Variants in PTPN14 observed in about 807,000 individuals in gnomAD.
PTPN14 encodes protein tyrosine phosphatase non-receptor type 14.
A neutral mutation model predicts 126.8 loss-of-function variants in PTPN14; 53 were observed. That is an observed-to-expected ratio of 0.42 (90% CI 0.34 to 0.53). PTPN14 has a LOEUF of 0.53. Among genes scored for constraint, PTPN14 ranks in the 20% least tolerant of loss-of-function variants. The pLI is 0.08. For synonymous variants in PTPN14, 630 were observed against 599.3 expected, an observed-to-expected ratio of 1.05 and a Z score of -0.75; for missense variants, 1,257 against 1,552.9, an observed-to-expected ratio of 0.81 and a Z score of 3.20.
chr1:214,484,799 C>T (rs1164692615), intron 1 of PTPN14, among the ~76,000 whole-genome samples: 6 of 152,116 alleles, frequency 3.9e-5, no homozygotes, highest in African/African-American at 1.4e-4. Flanking sequence ...AACAGAAGGT[C>T]ATTAAAGGTC....
intron 15 of PTPN14, among the ~76,000 whole-genome samples, chr1:214,375,264 C>T (rs958254650): frequency 7.2e-5 from 11 of 152,090 alleles, no homozygotes; most frequent in Non-Finnish European, 1.0e-4. Context: ...CTTTTACAGG[C>T]TTAAAAAAAC....
Position 214,451,859 on chromosome 1 carries a change from A to T in PTPN14, c.290T>A (p.Phe97Tyr). ...DKFANEPLLF[F>Y]GVMFYVPNVS... ...ATTTGGCACATAGAACATGACTCCA[A>T]AGAAAAGCAAAGGCTCATTAGCGAA... Residue 97 changes from phenylalanine (F) to tyrosine (Y), a missense_variant, in exon 3 of 19, where the codon TTT becomes TAT. Coordinates refer to ENST00000366956, the MANE Select transcript of PTPN14 (RefSeq NM_005401.5). 1 of 1,614,220 alleles carries T rather than the reference A, an allele frequency of 6.2e-7. No individual in the cohort carries two copies. Among genetic ancestry groups the T allele is most frequent in the Non-Finnish European group, 8.5e-7 (1 of 1,180,044 alleles).
intron 1 of PTPN14, chr1:214,530,038 T>G (rs897721986): frequency 6.6e-6 from 1 of 152,210 alleles, no homozygotes; most frequent in South Asian, 2.1e-4. Context: ...AGATACCTCA[T>G]AGATGCAGGT....
intron 17 of PTPN14, among the ~76,000 whole-genome samples, chr1:214,366,377 G>A (rs560952714): frequency 3.9e-4 from 59 of 152,302 alleles, no homozygotes; most frequent in African/African-American, 1.4e-3. Context: ...CTTTACTTGA[G>A]CTAAATTTAA....
chr1:214,523,618 C>A (rs1399538201), intron 1 of PTPN14, among the ~76,000 whole-genome samples: 1 of 152,110 alleles, frequency 6.6e-6, no homozygotes, highest in Non-Finnish European at 1.5e-5. Flanking sequence ...AGAACATACC[C>A]CCTTGTTAAG....
In PTPN14 at chr1:214,394,941, T is replaced by C. The variant is rs759662230; in HGVS notation, c.804A>G (p.Leu268=). 1 of 1,613,850 alleles carries C rather than the reference T, an allele frequency of 6.2e-7. No homozygotes were observed. Among genetic ancestry groups the C allele is most frequent in the South Asian group, 1.1e-5 (1 of 91,066 alleles). ...GNITHNKSTI[L]VELINKEETA... ...TCTCTTCTTTGTTGATGAGCTCCACTAGAATGGTCGACTTGTTATGAGTGA... is the reference window on the plus strand; with the variant it reads ...TCTCTTCTTTGTTGATGAGCTCCACCAGAATGGTCGACTTGTTATGAGTGA... Residue 268 remains leucine (L), a synonymous_variant, in exon 9 of 19, where the codon CTA becomes CTG. Coordinates refer to ENST00000366956, the MANE Select transcript of PTPN14 (RefSeq NM_005401.5).
At chr1:214,517,063 C>G (rs1655121233) in intron 1 of PTPN14, among the ~76,000 whole-genome samples, 1 of 152,154 alleles carries the variant, frequency 6.6e-6, no homozygotes, top group African/African-American at 2.4e-5. Context: ...CCAGCTATCT[C>G]CTCCGCTCCT....
At chr1:214,484,454 G>A (rs573652336) in intron 1 of PTPN14, among the ~76,000 whole-genome samples, 1 of 152,250 alleles carries the variant, frequency 6.6e-6, no homozygotes, top group South Asian at 2.1e-4. Flanking sequence ...TTAGAAGTTA[G>A]GAGATGGCTG....
At chr1:214,532,288 A>C in intron 1 of PTPN14, 3 of 467,984 alleles carry the variant, frequency 6.4e-6, no homozygotes, top group African/African-American at 2.0e-5. Flanking sequence ...GCCAGAGCCT[A>C]TGCACGTGCC....
At chr1:214,533,412 CGCAAAGT>C (rs1391070201) in intron 1 of PTPN14, 1 of 416,292 alleles carries the variant, frequency 2.4e-6, no homozygotes, top group African/African-American at 2.1e-5. Flanking sequence ...CACCACCTGC[CGCAAAGT>C]GAGTGGCAAA....
chr1:214,477,420 T>C (rs1313274236), intron 1 of PTPN14, among the ~76,000 whole-genome samples: 1 of 152,150 alleles, frequency 6.6e-6, no homozygotes, highest in Non-Finnish European at 1.5e-5. Flanking sequence ...TCCCCTGCCT[T>C]GTAAAGACAC....
chr1:214,349,204 G>A lies in PTPN14; in HGVS notation c.*8718C>T, dbSNP rs907357058. 1 of 152,200 alleles carries A rather than the reference G, an allele frequency of 6.6e-6. No homozygotes were observed. Among genetic ancestry groups the A allele is most frequent in the African/African-American group, 2.4e-5 (1 of 41,446 alleles). The allele number at this position is 152,200 out of a possible 1,614,324, so 9.4% of individuals were successfully genotyped here. On this transcript the variant is annotated 3_prime_UTR_variant, in exon 19 of 19. Coordinates refer to ENST00000366956, the MANE Select transcript of PTPN14 (RefSeq NM_005401.5). ...CAAGCGGCCACCACAGGGGGCGAAT[G>A]TGCTCTCAGGATCCCAAGTCCCAAC...
rs764054189 is a variant in PTPN14, at chr1:214,384,620, T to C, written c.1235A>G (p.Asn412Ser). The change falls in exon 13 of 19, where the codon AAC becomes AGC. Residue 412 changes from asparagine to serine, a missense_variant. Asn to Ser is a conservative substitution (Grantham distance 46). Coordinates refer to ENST00000366956, the MANE Select transcript of PTPN14 (RefSeq NM_005401.5). This position sits in a 1 kb window ranked among gnomAD's most constrained non-coding sequence, Gnocchi z 5.3. ...GATGTCACTCCCAGGGATACTGAGGTTGGAGGATACAGGGGAGGCCTGGAT... is the reference window on the plus strand; with the variant it reads ...GATGTCACTCCCAGGGATACTGAGGCTGGAGGATACAGGGGAGGCCTGGAT... ...SFIQASPVSS[N>S]LSIPGSDIMR... The C allele has an allele frequency of 3.1e-6, 5 of 1,613,874 alleles. No homozygotes were observed. The Admixed American group carries it at 5.0e-5, about 16-fold the overall frequency.
At chr1:214,445,171 A>G (rs1660114875) in intron 3 of PTPN14, among the ~76,000 whole-genome samples, 2 of 152,200 alleles carry the variant, frequency 1.3e-5, no homozygotes, top group Admixed American at 1.3e-4. Context: ...GGAGATGTAC[A>G]ATAGATCACT....
At chr1:214,358,525 A>G (rs1366561693) in intron 18 of PTPN14, among the ~76,000 whole-genome samples, 4 of 152,204 alleles carry the variant, frequency 2.6e-5, no homozygotes, top group Non-Finnish European at 5.9e-5. Flanking sequence ...CTGCAACCCA[A>G]TGACAGGATT....
rs141188004 is a variant in PTPN14 at position 214,513,078 on chromosome 1, G to C, written c.-155+38105C>G. The stretch of plus-strand genomic sequence containing the variant: ...TTCAAACTAGAAGGATGTAACCTTT[G>C]AAGTACACATGGTCTATATACTTAG... On this transcript the variant is annotated intron_variant, in intron 1 of 18. Coordinates refer to ENST00000366956, the MANE Select transcript of PTPN14 (RefSeq NM_005401.5). Among the ~76,000 whole-genome samples, 720 of 152,126 alleles carry C rather than the reference G, an allele frequency of 4.7e-3. 3 individuals carry two copies. Among genetic ancestry groups the C allele is most frequent in the African/African-American group, 0.016 (681 of 41,520 alleles).
rs1406868018 is a variant in PTPN14, at chr1:214,402,906, T to A, written c.558A>T (p.Val186=). 1.2e-6 allele frequency: 2 copies of A among 1,614,064 alleles called. No individual in the cohort carries two copies. Among genetic ancestry groups the A allele is most frequent in the Non-Finnish European group, 1.7e-6 (2 of 1,179,982 alleles). Residue 186 remains valine, a synonymous_variant, in exon 6 of 19, where the codon GTA becomes GTT. Coordinates refer to ENST00000366956, the MANE Select transcript of PTPN14 (RefSeq NM_005401.5). ...ACCTGTGGGCTTTGTGTTCTTGGGC[T>A]ACCTTCTGGGTCAGCTCCTCCAGAA... ...EAVLEELTQK[V]AQEHKAHSGI...
At chr1:214,532,898 A>C in intron 1 of PTPN14, 1 of 1,016,696 alleles carries the variant, frequency 9.8e-7, no homozygotes, top group East Asian at 2.4e-5. Flanking sequence ...GATGCCCCCA[A>C]ATCTCAGGAC....
At chr1:214,396,888 C>A (rs1331373097) in intron 8 of PTPN14, among the ~76,000 whole-genome samples, 3 of 152,186 alleles carry the variant, frequency 2.0e-5, no homozygotes, top group Non-Finnish European at 4.4e-5. Flanking sequence ...TACAACTCTG[C>A]ACATATTTAC....
Sources: gnomAD v4.1 joint callset for allele counts (sites outside exome capture counted in the v4.1 genomes callset) on GRCh38, gnomAD v4.1.1 for gene constraint, Gnocchi (gnomAD v3.1) non-coding constraint, MANE v1.5 for transcripts, NCBI Gene and HGNC (gene_info 2026-07-23, HGNC 2026-07-21) for gene names.